Variants in KDM1A observed in about 807,000 individuals in gnomAD.
KDM1A encodes the protein lysine-specific histone demethylase 1A.
Under a neutral mutation model 109.4 loss-of-function variants are expected in KDM1A, and 49 were observed. That is an observed-to-expected ratio of 0.45 (90% CI 0.36 to 0.57). The LOEUF is 0.57. KDM1A is among the 20% of genes least tolerant of loss of function. The pLI, the probability that KDM1A is intolerant of heterozygous loss-of-function variation, is 0.00. For synonymous variants in KDM1A, 380 were observed against 415.4 expected, an observed-to-expected ratio of 0.91 and a Z score of 1.04; for missense variants, 668 against 1,116.6, an observed-to-expected ratio of 0.60 and a Z score of 5.73.
intron 1 of KDM1A, 105 bp downstream of exon 1, chr1:23,020,052 C>A: frequency 1.7e-6 from 2 of 1,203,036 alleles, no homozygotes; most frequent in South Asian, 2.1e-5. Flanking sequence ...TGCGACCACT[C>A]AGACCTCCCC....
chr1:23,029,634 CTTATTT>C lies in KDM1A; in HGVS notation c.352-820_352-815del, dbSNP rs998313456. On this transcript the variant is annotated intron_variant, in intron 1 of 20. Transcript: ENST00000400181. ...CCACGTCACTTATTCCTTAATTTATCTTATTTTTATTTTTATTTTTTTTGAGATGGA... is the reference window on the plus strand; with the variant it reads ...CCACGTCACTTATTCCTTAATTTATCTTATTTTTATTTTTTTTGAGATGGA... Among the ~76,000 whole-genome samples, 18 of 151,942 alleles carry C rather than the reference CTTATTT, an allele frequency of 1.2e-4. 2 individuals are homozygous for C. The highest frequency in any genetic ancestry group is 9.2e-4 in the Admixed American group (14 of 15,230).
chr1:23,039,803 T>C (rs533758342), intron 2 of KDM1A, among the ~76,000 whole-genome samples: 1 of 152,376 alleles, frequency 6.6e-6, no homozygotes, highest in East Asian at 1.9e-4. Flanking sequence ...TTCTCGTTTC[T>C]TAACAACAAA....
intron 2 of KDM1A, chr1:23,044,199 C>T: frequency 2.2e-6 from 1 of 460,130 alleles, no homozygotes; most frequent in South Asian, 2.1e-5. Flanking sequence ...GTACTTTGTT[C>T]CACTGCCTTT....
At chr1:23,025,239 C>G (rs556068710) in intron 1 of KDM1A, among the ~76,000 whole-genome samples, 1 of 152,064 alleles carries the variant, frequency 6.6e-6, no homozygotes, top group Admixed American at 6.6e-5. Context: ...GAGAAGTTTT[C>G]CATTATGACA....
chr1:23,083,026 C>T, intron 20 of KDM1A, 153 bp from the exon 21 acceptor site: 1 of 645,860 alleles, frequency 1.5e-6, no homozygotes, highest in Non-Finnish European at 2.7e-6. Context: ...AAAGTGCCTA[C>T]TGATAAGGGA....
intron 15 of KDM1A, among the ~76,000 whole-genome samples, chr1:23,076,391 G>C (rs1258886178): frequency 1.3e-5 from 2 of 152,022 alleles, no homozygotes; most frequent in Admixed American, 1.3e-4. Context: ...TATGGTCCTA[G>C]ATTACCTTCA....
At chr1:23,045,084 A>G (rs1642464621) in intron 3 of KDM1A, among the ~76,000 whole-genome samples, 1 of 152,198 alleles carries the variant, frequency 6.6e-6, no homozygotes, top group Admixed American at 6.5e-5. Context: ...ACAGTATGAG[A>G]TTTTTACTTC....
In KDM1A at chr1:23,019,727, TGTCGGGCCC is replaced by T. The variant is rs1641551419; in HGVS notation, c.132_140del (p.Ser45_Pro47del). On this transcript the variant is annotated inframe_deletion, in exon 1 of 21. Transcript: ENST00000400181. ...GAGGTGGCCGCGCAGCCCGCGGGCC[TGTCGGGCCC>T]AGCCGAGGTCGGGCCGGGGGCGGTG... 7.5e-7 allele frequency: 1 copy of T among 1,327,184 alleles called. No homozygotes were observed. The highest frequency in any genetic ancestry group is 1.6e-5 in the African/African-American group (1 of 64,420). 82.2% of individuals were successfully genotyped at this position (1,327,184 alleles called of 1,614,324 possible).
chr1:23,056,071 C>A (rs1163082445), intron 7 of KDM1A, 33 bp downstream of exon 7: 1 of 1,407,498 alleles, frequency 7.1e-7, no homozygotes, highest in Non-Finnish European at 1.0e-6. Flanking sequence ...AGAGGCTTGA[C>A]CTATTGGAAA....
At chr1:23,053,016 A>T (rs1642717022) in intron 4 of KDM1A, among the ~76,000 whole-genome samples, 1 of 152,106 alleles carries the variant, frequency 6.6e-6, no homozygotes, top group African/African-American at 2.4e-5. Flanking sequence ...TCTTTCAGTG[A>T]TTCCATTCAG....
chr1:23,056,213 A>G (rs1569745686), intron 7 of KDM1A, among the ~76,000 whole-genome samples, 175 bp downstream of exon 7: 1 of 152,012 alleles, frequency 6.6e-6, no homozygotes, highest in Non-Finnish European at 1.5e-5. Context: ...TTTTTAATGA[A>G]TGCTTTGAAA....
Position 23,069,084 on chromosome 1 carries a change from A to G in KDM1A, c.1346A>G (p.Asp449Gly). ...VIQLQEKHVKDEQIEHWKKIV... is the reference protein window; with the variant it reads ...VIQLQEKHVKGEQIEHWKKIV... ...AGGTTACAAGAGAAGCATGTCAAAGATGAGCAGATTGAACATTGGAAGAAG... is the reference window on the plus strand; with the variant it reads ...AGGTTACAAGAGAAGCATGTCAAAGGTGAGCAGATTGAACATTGGAAGAAG... The change falls in exon 12 of 21, where the codon GAT (aspartate) becomes GGT (glycine). Residue 449 changes from aspartate to glycine, a missense_variant. Transcript: ENST00000400181. 1 of 1,610,556 alleles carries G rather than the reference A, an allele frequency of 6.2e-7. No homozygotes were observed. The highest frequency in any genetic ancestry group is 8.5e-7 in the Non-Finnish European group (1 of 1,178,272).
At chr1:23,078,146 A>AC (rs1643519635) in intron 16 of KDM1A, among the ~76,000 whole-genome samples, 1 of 152,140 alleles carries the variant, frequency 6.6e-6, no homozygotes, top group South Asian at 2.1e-4. Context: ...TACTGAGATC[A>AC]CCACAGATGT....
chr1:23,057,611 C>G, intron 8 of KDM1A, 46 bp downstream of exon 8: 1 of 1,396,176 alleles, frequency 7.2e-7, no homozygotes, highest in Non-Finnish European at 1.0e-6. Flanking sequence ...GTCTAAGACT[C>G]ATAAAAGAAA....
chr1:23,054,942 TA>T, intron 5 of KDM1A, 126 bp from the exon 6 acceptor site: 1 of 612,320 alleles, frequency 1.6e-6, no homozygotes, highest in Non-Finnish European at 2.8e-6. Context: ...ATTACTTTTT[TA>T]AAGGAGTCAC....
Position 23,019,848 on chromosome 1 carries a change from G to C in KDM1A, c.252G>C (p.Gln84His), listed in dbSNP as rs1449880004. Residue 84 changes from glutamine (Q) to histidine (H), a missense_variant, in exon 1 of 21, where the codon CAG becomes CAC. Coordinates refer to ENST00000400181, the MANE Select transcript of KDM1A (RefSeq NM_001009999.3). ...AACCGCCGGGGTCCGCAGGGCCTCAGGCCGGCCCTACTGTCGTGCCTGGGT... is the reference window on the plus strand; with the variant it reads ...AACCGCCGGGGTCCGCAGGGCCTCACGCCGGCCCTACTGTCGTGCCTGGGT... ...LAEPPGSAGPQAGPTVVPGSA... is the reference protein window; with the variant it reads ...LAEPPGSAGPHAGPTVVPGSA... The C allele has an allele frequency of 6.7e-7, 1 of 1,494,970 alleles. No homozygotes were observed. Among genetic ancestry groups the C allele is most frequent in the Admixed American group, 2.4e-5 (1 of 40,956 alleles). The allele number at this position is 1,494,970 out of a possible 1,614,324, so 92.6% of individuals were successfully genotyped here.
chr1:23,038,385 A>T (rs1316191399), intron 2 of KDM1A, among the ~76,000 whole-genome samples: 4 of 152,090 alleles, frequency 2.6e-5, no homozygotes, highest in Non-Finnish European at 5.9e-5. Flanking sequence ...TTTCCTTAAG[A>T]GAATAATATA....
At chr1:23,082,120 T>G (rs1643637110) in intron 19 of KDM1A, 100 bp from the exon 20 acceptor site, 1 of 1,299,178 alleles carries the variant, frequency 7.7e-7, no homozygotes, top group African/African-American at 1.5e-5. Flanking sequence ...CCCCTCTTTC[T>G]CTTCACTTGC....
intron 2 of KDM1A, among the ~76,000 whole-genome samples, chr1:23,035,384 T>C (rs1006051172): frequency 6.6e-6 from 1 of 152,166 alleles, no homozygotes; most frequent in East Asian, 1.9e-4. Flanking sequence ...GTATTTTTAG[T>C]AGAGATGAGG....
Sources: gnomAD v4.1 joint callset for allele counts (sites outside exome capture counted in the v4.1 genomes callset) on GRCh38, gnomAD v4.1.1 for gene constraint, MANE v1.5 for transcripts, NCBI Gene and HGNC (gene_info 2026-07-23, HGNC 2026-07-21) for gene names.